SMARCA2: variants seen among roughly 807,000 people sequenced by gnomAD.
SMARCA2 encodes the protein SWI/SNF-related matrix-associated actin-dependent regulator of chromatin subfamily A member 2.
Under a neutral mutation model 199.8 loss-of-function variants are expected in SMARCA2, and 61 were observed. That is an observed-to-expected ratio of 0.31 (90% CI 0.25 to 0.38). The LOEUF is 0.38. SMARCA2 is among the 10% of genes least tolerant of loss of function. The probability of loss-of-function intolerance (pLI) is 1.00; values close to 1 mark genes in which losing one functional copy is unlikely to be tolerated. For synonymous variants in SMARCA2, 935 were observed against 732.0 expected (o/e 1.28, Z -4.48); for missense variants, 1,344 against 2,012.2 (o/e 0.67, Z 6.35).
chr9:2,158,914 A>G, intron 27 of SMARCA2: 2 of 1,609,200 alleles, frequency 1.2e-6, no homozygotes, highest in Admixed American at 3.4e-5. Flanking sequence ...GTCTTTGGGG[A>G]GGAGGGAAGA....
At chr9:2,160,128 A>C in intron 27 of SMARCA2, 1 of 575,820 alleles carries the variant, frequency 1.7e-6, no homozygotes, top group Non-Finnish European at 3.0e-6. Flanking sequence ...CCTTTTCTTA[A>C]TCTTCGCTTA....
chr9:2,110,195 A>T lies in SMARCA2; in HGVS notation c.3293-59A>T. On this transcript the variant is annotated intron_variant, in intron 23 of 33. Coordinates refer to ENST00000349721, the MANE Select transcript of SMARCA2 (RefSeq NM_003070.5). The surrounding 1 kb of genome is among the most constrained non-coding windows in gnomAD (Gnocchi z 4.8). ...TGAAGGAAGCAAGCCTTTTTGTCTC[A>T]TTCTGTGCCATTTTCAGACAAGAGT... 1.4e-6 allele frequency: 2 copies of T among 1,420,202 alleles called. No homozygotes were observed. The highest frequency in any genetic ancestry group is 2.1e-5 in the Admixed American group (1 of 47,480). 88.0% of individuals were successfully genotyped at this position (1,420,202 alleles called of 1,614,324 possible).
chr9:2,186,819 C>T (rs7022535), intron 32 of SMARCA2, among the ~76,000 whole-genome samples: 104,737 of 152,160 alleles, frequency 0.69, 36,485 homozygotes, highest in African/African-American at 0.78. Context: ...AGCCGCCACA[C>T]CTGACCTGCA....
intron 24 of SMARCA2, among the ~76,000 whole-genome samples, chr9:2,111,008 T>G (rs1413671517): frequency 1.3e-5 from 2 of 151,996 alleles, no homozygotes; most frequent in East Asian, 3.8e-4. Flanking sequence ...GCCAGGTAAG[T>G]TCAGGGCTAT....
Position 2,191,247 on chromosome 9 carries a change from T to C in SMARCA2, c.4595-19T>C. 6.2e-7 allele frequency: 1 copy of C among 1,612,860 alleles called. No homozygotes were observed. Among genetic ancestry groups the C allele is most frequent in the Non-Finnish European group, 8.5e-7 (1 of 1,179,076 alleles). On this transcript the variant is annotated intron_variant, in intron 32 of 33. Transcript: ENST00000349721. ...TTGTGATTACTCACTGGTGTCTATT[T>C]CATTTGCTTTGGTTTTAGCAAAATC...
At chr9:2,101,231 C>T (rs767353414) in intron 21 of SMARCA2, among the ~76,000 whole-genome samples, 1 of 151,930 alleles carries the variant, frequency 6.6e-6, no homozygotes, top group African/African-American at 2.4e-5. Context: ...ACTCTGTATT[C>T]CTTGAGTTCA....
intron 19 of SMARCA2, among the ~76,000 whole-genome samples, chr9:2,089,421 T>C (rs1027422617): frequency 3.9e-5 from 6 of 152,206 alleles, no homozygotes; most frequent in African/African-American, 1.2e-4. Flanking sequence ...GAGCCAATTC[T>C]GAAATGTCTT....
chr9:2,186,773 G>A (rs1441608056), intron 32 of SMARCA2, among the ~76,000 whole-genome samples: 6 of 152,186 alleles, frequency 3.9e-5, no homozygotes, highest in East Asian at 1.9e-4. Context: ...TGATCCACCC[G>A]CCTCGGCCTC....
chr9:2,029,101 C>A lies in SMARCA2; in HGVS notation c.79C>A (p.Leu27Ile). Reference sequence around the variant, plus strand: ...GCCTGGGCCTTCCCCTGGGCCAATTCTTGGGCCTAGTCCAGGACCAGGACC... The same window carrying A: ...GCCTGGGCCTTCCCCTGGGCCAATTATTGGGCCTAGTCCAGGACCAGGACC... The part of the protein sequence containing the change: ...PGPGPSPGPI[L>I]GPSPGPGPSP... Residue 27 changes from leucine to isoleucine, a missense_variant, in exon 2 of 34, where the codon CTT becomes ATT. By Grantham distance (5) the Leu-to-Ile change is conservative. Transcript: ENST00000349721. 5 of 1,593,536 alleles carry A rather than the reference C, an allele frequency of 3.1e-6. No individual in the cohort carries two copies. Among genetic ancestry groups the A allele is most frequent in the Non-Finnish European group, 2.6e-6 (3 of 1,168,462 alleles).
At chr9:2,157,523 A>G (rs527908791) in intron 27 of SMARCA2, among the ~76,000 whole-genome samples, 1 of 152,340 alleles carries the variant, frequency 6.6e-6, no homozygotes, top group Admixed American at 6.5e-5. Context: ...GGACAGAAAT[A>G]TGATACTGAA....
chr9:2,083,318 T>G (rs1382016355), intron 15 of SMARCA2, 29 bp from the exon 16 acceptor site: 1 of 1,451,134 alleles, frequency 6.9e-7, no homozygotes. Context: ...AATGTCTTTT[T>G]TCTGTTGTTT....
intron 22 of SMARCA2, among the ~76,000 whole-genome samples, chr9:2,103,255 G>A (rs1271916265): frequency 2.6e-5 from 4 of 152,112 alleles, no homozygotes; most frequent in Non-Finnish European, 5.9e-5. Flanking sequence ...GCTCAGCGTA[G>A]CCTCTGTAAC....
chr9:2,058,500 C>T (rs780932675), intron 8 of SMARCA2, 36 bp downstream of exon 8: 3 of 1,568,542 alleles, frequency 1.9e-6, no homozygotes, highest in Non-Finnish European at 2.6e-6. Context: ...GGAAACTACT[C>T]AACCCACGTC....
At chr9:2,085,054 A>G (rs536660126) in intron 17 of SMARCA2, among the ~76,000 whole-genome samples, 11 of 152,282 alleles carry the variant, frequency 7.2e-5, no homozygotes, top group African/African-American at 2.2e-4. Context: ...TCTGGGGTCT[A>G]TTCTACCTCT....
chr9:2,121,206 T>TA (rs1419162886), intron 26 of SMARCA2, among the ~76,000 whole-genome samples: 2 of 152,232 alleles, frequency 1.3e-5, no homozygotes, highest in African/African-American at 4.8e-5. Context: ...ACTTTTGGGC[T>TA]ATTTGTAGAA....
chr9:2,172,819 G>A (rs890325034), intron 29 of SMARCA2, among the ~76,000 whole-genome samples: 1 of 152,110 alleles, frequency 6.6e-6, no homozygotes, highest in Non-Finnish European at 1.5e-5. Context: ...CCAGGGAGCC[G>A]ACATCAGCCC....
intron 27 of SMARCA2, among the ~76,000 whole-genome samples, chr9:2,141,583 A>G (rs183915175): frequency 2.1e-3 from 313 of 152,288 alleles, no homozygotes; most frequent in African/African-American, 7.1e-3. Context: ...TGTAGTTACT[A>G]GTTAAAATAA....
At chr9:2,160,809 G>GT in intron 27 of SMARCA2, 2 of 350,182 alleles carry the variant, frequency 5.7e-6, no homozygotes, top group Non-Finnish European at 5.0e-6. Context: ...CAAATTTTAT[G>GT]TTCTTTTTTT....
At chr9:2,184,984 G>C (rs1827333355) in intron 31 of SMARCA2, among the ~76,000 whole-genome samples, 1 of 151,960 alleles carries the variant, frequency 6.6e-6, no homozygotes, top group Admixed American at 6.5e-5. Context: ...AAAGGAATAT[G>C]TTCCTAAAGA....
Sources: allele counts gnomAD v4.1 joint callset (sites outside exome capture counted in the v4.1 genomes callset), GRCh38; gene constraint gnomAD v4.1.1; non-coding constraint Gnocchi (gnomAD v3.1); transcripts MANE v1.5; gene names NCBI Gene and HGNC (gene_info 2026-07-23, HGNC 2026-07-21).